TTPAL: variants seen among roughly 807,000 people sequenced by gnomAD.
The protein encoded by TTPAL is alpha-tocopherol transfer protein-like.
A neutral mutation model predicts 28.7 loss-of-function variants in TTPAL; 21 were observed. That is an observed-to-expected ratio of 0.73 (90% confidence interval 0.52 to 1.06). The LOEUF (loss-of-function observed/expected upper bound fraction) is 1.06. Ranked by LOEUF, TTPAL falls within the 50% of genes least tolerant of loss-of-function variation. The probability of loss-of-function intolerance (pLI) is 0.00; values close to 1 mark genes in which losing one functional copy is unlikely to be tolerated. For synonymous variants in TTPAL, 169 were observed against 171.9 expected, an observed-to-expected ratio of 0.98 and a Z score of 0.13; for missense variants, 345 against 425.5, an observed-to-expected ratio of 0.81 and a Z score of 1.67.
Position 44,480,094 on chromosome 20 carries a change from T to C in TTPAL, c.95T>C (p.Val32Ala). The change falls in exon 2 of 5, where the codon GTG becomes GCG. Residue 32 changes from valine to alanine, a missense_variant. Val to Ala is a moderately conservative substitution (Grantham distance 64, BLOSUM62 0). Transcript: ENST00000262605. This position sits in a 1 kb window ranked among gnomAD's most constrained non-coding sequence, Gnocchi z 4.1. ...CCACCACCTGAGCCTCCGGGCTATG[T>C]GTGCTCACTGACAGAAGACCTGGTC... ...LPPPPEPPGY[V>A]CSLTEDLVTK... 3 of 1,614,180 alleles carry C rather than the reference T, an allele frequency of 1.9e-6. No individual in the cohort carries two copies. The highest frequency in any genetic ancestry group is 2.5e-6 in the Non-Finnish European group (3 of 1,180,034).
rs1390347238 is a variant in TTPAL at position 44,493,705 on chromosome 20, C to T, written c.*4164C>T. The T allele has an allele frequency of 6.6e-6, 1 of 152,282 alleles. No homozygotes were observed. Among genetic ancestry groups the T allele is most frequent in the Non-Finnish European group, 1.5e-5 (1 of 68,050 alleles). The allele number at this position is 152,282 out of a possible 1,614,324, so 9.4% of individuals were successfully genotyped here. A position where few individuals can be genotyped will look rare whatever the true frequency, so the allele number is the denominator to read the frequency against. ...AGATGTCAGTTCTGGTAACACCTCT[C>T]TGTATTGGGATCTGTTAATTTTGTA... On this transcript the variant is annotated 3_prime_UTR_variant, in exon 5 of 5. Transcript: ENST00000262605.
intron 4 of TTPAL, among the ~76,000 whole-genome samples, chr20:44,487,418 G>T (rs1395520798): frequency 2.0e-5 from 3 of 152,190 alleles, no homozygotes; most frequent in African/African-American, 7.2e-5. Context: ...TCTTGCCACT[G>T]TGTTCCAGCC....
At chr20:44,477,146 T>C (rs1390771244) in intron 1 of TTPAL, among the ~76,000 whole-genome samples, 1 of 152,162 alleles carries the variant, frequency 6.6e-6, no homozygotes, top group Non-Finnish European at 1.5e-5. Flanking sequence ...TTAATGTGCA[T>C]CAAGGTGGGG....
At chr20:44,476,816 T>G (rs1305473696) in intron 1 of TTPAL, among the ~76,000 whole-genome samples, 1 of 152,266 alleles carries the variant, frequency 6.6e-6, no homozygotes, top group Non-Finnish European at 1.5e-5. Context: ...TCCCAGTGCC[T>G]GTGAGCACAG....
At chr20:44,476,605 AG>A (rs1401266820) in intron 1 of TTPAL, among the ~76,000 whole-genome samples, 1 of 152,242 alleles carries the variant, frequency 6.6e-6, no homozygotes, top group Non-Finnish European at 1.5e-5. Context: ...CTTAGATTCT[AG>A]GGGACAGTCC....
chr20:44,480,393 G>A lies in TTPAL; in HGVS notation c.394G>A (p.Val132Met), dbSNP rs746378949. 1.3e-5 allele frequency: 21 copies of A among 1,613,452 alleles called. No homozygotes were observed. The highest frequency in any genetic ancestry group is 3.3e-5 in the Admixed American group (2 of 59,972). ...TGTCCTTGCTTCCGGGTTCCTCACC[G>A]TGCTGCCCCACACTGACCCCAGGGG... is the stretch of plus-strand genomic sequence containing the variant. ...KDVLASGFLT[V>M]LPHTDPRGCH... The change falls in exon 2 of 5, where the codon GTG becomes ATG. Residue 132 changes from valine to methionine, a missense_variant. Val to Met is a conservative substitution (Grantham distance 21). Transcript: ENST00000262605. This position sits in a 1 kb window ranked among gnomAD's most constrained non-coding sequence, Gnocchi z 4.1.
At position 44,480,571 on chromosome 20, in the gene TTPAL, T is replaced by G. The variant is rs2064095072; in HGVS notation, c.445+127T>G. 1 of 974,910 alleles carries G rather than the reference T, an allele frequency of 1.0e-6. No individual in the cohort carries two copies. The highest frequency in any genetic ancestry group is 1.5e-6 in the Non-Finnish European group (1 of 667,852). 60.4% of individuals were successfully genotyped at this position (974,910 alleles called of 1,614,324 possible). On this transcript the variant is annotated intron_variant, in intron 2 of 4. Coordinates refer to ENST00000262605, the MANE Select transcript of TTPAL (RefSeq NM_001039199.3). This position sits in a 1 kb window ranked among gnomAD's most constrained non-coding sequence, Gnocchi z 4.1. ...TTGTTATAGTCAAGGCTCTTTTGATTGCAGATAACACAAACCTACTCAAAC... is the reference window on the plus strand; with the variant it reads ...TTGTTATAGTCAAGGCTCTTTTGATGGCAGATAACACAAACCTACTCAAAC...
chr20:44,475,922 C>G lies in TTPAL; in HGVS notation c.-85C>G, dbSNP rs974065797. ...GGCAGGCCGGGCAGGGAGTGCGGGT[C>G]GGTTCTGCGTGCGCTGCCGGACGAG... On this transcript the variant is annotated 5_prime_UTR_variant, in exon 1 of 5. Transcript: ENST00000262605. The G allele has an allele frequency of 1.3e-5, 2 of 152,230 alleles. No individual in the cohort carries two copies. The highest frequency in any genetic ancestry group is 2.1e-4 in the South Asian group (1 of 4,828). 9.4% of individuals were successfully genotyped at this position (152,230 alleles called of 1,614,324 possible). A position where few individuals can be genotyped will look rare whatever the true frequency, so the allele number is the denominator to read the frequency against.
At chr20:44,476,930 AAAG>A (rs2064049326) in intron 1 of TTPAL, among the ~76,000 whole-genome samples, 1 of 152,194 alleles carries the variant, frequency 6.6e-6, no homozygotes, top group Non-Finnish European at 1.5e-5. Context: ...AATTTCTAAA[AAAG>A]AAATAGGAAC....
Position 44,489,287 on chromosome 20 carries a change from A to G in TTPAL, c.775A>G (p.Asn259Asp), listed in dbSNP as rs2064181099. The change falls in exon 5 of 5, where the codon AAC (asparagine) becomes GAC (aspartate). Residue 259 changes from asparagine (N) to aspartate (D), a missense_variant. By Grantham distance (23) the Asn-to-Asp change is conservative. Transcript: ENST00000262605. ...GTTCTTCCTCCATGGGTCTGACTTG[A>G]ACTCTCTCCACACAAACCTTCCAAG... ...NRFFLHGSDL[N>D]SLHTNLPRSI... 4 of 1,613,956 alleles carry G rather than the reference A, an allele frequency of 2.5e-6. No homozygotes were observed. The highest frequency in any genetic ancestry group is 3.4e-6 in the Non-Finnish European group (4 of 1,180,008).
At position 44,484,459 on chromosome 20, in the gene TTPAL, A is replaced by G. The variant is rs140656213; in HGVS notation, c.568A>G (p.Lys190Glu). The G allele has an allele frequency of 2.3e-4, 375 of 1,605,864 alleles. No homozygotes were observed. Among genetic ancestry groups the G allele is most frequent in the Non-Finnish European group, 3.0e-4 (352 of 1,173,020 alleles). The change falls in exon 3 of 5, where the codon AAA becomes GAA. Residue 190 changes from lysine (K) to glutamate (E), a missense_variant. Transcript: ENST00000262605. ...VNGIVILADY[K>E]GVSLSKASHF... ...TGGAATTGTAATTCTTGCAGACTACAAAGGAGTGAGTTTATCAAAAGCATC... is the reference window on the plus strand; with the variant it reads ...TGGAATTGTAATTCTTGCAGACTACGAAGGAGTGAGTTTATCAAAAGCATC...
intron 4 of TTPAL, among the ~76,000 whole-genome samples, chr20:44,488,090 A>G (rs1600795473): frequency 6.6e-6 from 1 of 152,198 alleles, no homozygotes; most frequent in African/African-American, 2.4e-5. Context: ...AAAGTAACAT[A>G]TATAGATGGA....
At chr20:44,477,458 G>A (rs1053050819) in intron 1 of TTPAL, among the ~76,000 whole-genome samples, 61 of 152,148 alleles carry the variant, frequency 4.0e-4, no homozygotes, top group Admixed American at 2.9e-3. Flanking sequence ...GGAGAAGTGC[G>A]GGGGAGGCAC....
rs1334568360 is a variant in TTPAL, at chr20:44,490,116, G to GC, written c.*576dup. On this transcript the variant is annotated 3_prime_UTR_variant, in exon 5 of 5. Transcript: ENST00000262605. The stretch of plus-strand genomic sequence containing the variant: ...AAAGCACCTTAACTGAATCATGTAA[G>GC]CATCAGGACATAAGCAGCACTTTGT... 1.3e-5 allele frequency: 2 copies of GC among 155,854 alleles called. No individual in the cohort carries two copies. The highest frequency in any genetic ancestry group is 2.8e-5 in the Non-Finnish European group (2 of 70,180). 9.7% of individuals were successfully genotyped at this position (155,854 alleles called of 1,614,324 possible).
chr20:44,484,231 T>A, intron 2 of TTPAL, 106 bp from the exon 3 acceptor site: 1 of 779,952 alleles, frequency 1.3e-6, no homozygotes, highest in South Asian at 3.2e-5. Flanking sequence ...TAGAATATCT[T>A]TCTTTTCCAT....
rs942975804 is a variant in TTPAL, at chr20:44,492,939, A to G, written c.*3398A>G. On this transcript the variant is annotated 3_prime_UTR_variant, in exon 5 of 5. Coordinates refer to ENST00000262605, the MANE Select transcript of TTPAL (RefSeq NM_001039199.3). ...AGGCAAAAGTAGCTTTCGATCTTTC[A>G]TATTTCATCCTGGTTTCACAAGGAG... The G allele has an allele frequency of 5.9e-5, 9 of 152,208 alleles. No individual in the cohort carries two copies. Among genetic ancestry groups the G allele is most frequent in the Non-Finnish European group, 1.2e-4 (8 of 68,024 alleles). 9.4% of individuals were successfully genotyped at this position (152,208 alleles called of 1,614,324 possible). A position where few individuals can be genotyped will look rare whatever the true frequency, so the allele number is the denominator to read the frequency against.
chr20:44,485,107 C>G (rs2064139971), intron 3 of TTPAL, among the ~76,000 whole-genome samples: 1 of 152,106 alleles, frequency 6.6e-6, no homozygotes, highest in African/African-American at 2.4e-5. Context: ...CAGCAAAACT[C>G]TGTCTCAGAA....
At position 44,480,119 on chromosome 20, in the gene TTPAL, C is replaced by G. The variant is rs1485879390; in HGVS notation, c.120C>G (p.Val40=). ...TGTGCTCACTGACAGAAGACCTGGT[C>G]ACCAAAGCCCGGGAAGAGCTGCAGG... The part of the protein sequence containing the change: ...GYVCSLTEDL[V]TKAREELQEK... The change falls in exon 2 of 5, where the codon GTC becomes GTG. Residue 40 remains valine, a synonymous_variant. Coordinates refer to ENST00000262605, the MANE Select transcript of TTPAL (RefSeq NM_001039199.3). This position sits in a 1 kb window ranked among gnomAD's most constrained non-coding sequence, Gnocchi z 4.1. 1 of 1,614,182 alleles carries G rather than the reference C, an allele frequency of 6.2e-7. No individual in the cohort carries two copies. Among genetic ancestry groups the G allele is most frequent in the Non-Finnish European group, 8.5e-7 (1 of 1,180,044 alleles).
chr20:44,487,037 T>C (rs1332295120), intron 4 of TTPAL, among the ~76,000 whole-genome samples: 1 of 151,992 alleles, frequency 6.6e-6, no homozygotes, highest in Non-Finnish European at 1.5e-5. Context: ...TCCCAGCACT[T>C]TGGGAGGCCG....
Sources: gnomAD v4.1 joint callset for allele counts (sites outside exome capture counted in the v4.1 genomes callset) on GRCh38, gnomAD v4.1.1 for gene constraint, Gnocchi (gnomAD v3.1) non-coding constraint, MANE v1.5 for transcripts, NCBI Gene and HGNC (gene_info 2026-07-23, HGNC 2026-07-21) for gene names.